Variants in GXYLT2 observed in about 807,000 individuals in gnomAD.
GXYLT2 encodes the protein glycosyltransferase 8 domain containing 4.
A neutral mutation model predicts 45.8 loss-of-function variants in GXYLT2; 53 were observed. The observed-to-expected ratio is 1.16, with a 90% CI of 0.93 to 1.46. The LOEUF is 1.46. Among genes scored for constraint, GXYLT2 ranks in the 40% most tolerant of loss-of-function variants. The pLI is 0.00. For synonymous variants in GXYLT2, 219 were observed against 214.2 expected (o/e 1.02, Z -0.19); for missense variants, 551 against 544.4 (o/e 1.01, Z -0.12).
At chr3:72,895,373 T>C (rs1308088324) in intron 1 of GXYLT2, among the ~76,000 whole-genome samples, 1 of 152,158 alleles carries the variant, frequency 6.6e-6, no homozygotes, top group East Asian at 1.9e-4. Flanking sequence ...TGAGTTCCCC[T>C]TTTTTTCTTA....
At position 72,931,020 on chromosome 3, in the gene GXYLT2, G is replaced by A. The variant is rs145334630; in HGVS notation, c.600+8685G>A. On this transcript the variant is annotated intron_variant, in intron 3 of 6. Coordinates refer to ENST00000389617, the MANE Select transcript of GXYLT2 (RefSeq NM_001080393.2). ...ACTCCACCCAACACCAGTAGAATAC[G>A]TTCTTGTGAGTGCACATGAAACTTT... Among the ~76,000 whole-genome samples the A allele has an allele frequency of 4.4e-3, 664 of 152,200 alleles. 12 individuals are homozygous for A. Among genetic ancestry groups the A allele is most frequent in the Non-Finnish European group, 3.6e-3 (244 of 68,016 alleles).
rs151182612 is a variant in GXYLT2, at chr3:72,899,675, G to A, written c.276-8692G>A. 3.1e-4 allele frequency among the ~76,000 whole-genome samples: 47 copies of A among 152,094 alleles called. 1 individual carries two copies. The East Asian group carries it at 8.9e-3, about 29-fold the overall frequency. ...GACATGGCTATAATTATCCATCGCCGGACTCTTCTTCTAGGGGCCATATCA... is the reference window on the plus strand; with the variant it reads ...GACATGGCTATAATTATCCATCGCCAGACTCTTCTTCTAGGGGCCATATCA... On this transcript the variant is annotated intron_variant, in intron 1 of 6. Coordinates refer to ENST00000389617, the MANE Select transcript of GXYLT2 (RefSeq NM_001080393.2).
intron 1 of GXYLT2, among the ~76,000 whole-genome samples, chr3:72,901,554 CTTTTT>C (rs71124002): frequency 2.6e-5 from 2 of 77,170 alleles, no homozygotes; most frequent in African/African-American, 1.2e-4. Context: ...AACATTTTCG[CTTTTT>C]TTTTTTTTTT....
At chr3:72,929,561 C>G in intron 3 of GXYLT2, 2 of 1,138,536 alleles carry the variant, frequency 1.8e-6, no homozygotes, top group Non-Finnish European at 2.6e-6. Flanking sequence ...ATCTCTTTGA[C>G]AAGCACACGC....
At chr3:72,911,156 G>A (rs1234278908) in intron 2 of GXYLT2, among the ~76,000 whole-genome samples, 2 of 152,182 alleles carry the variant, frequency 1.3e-5, no homozygotes, top group African/African-American at 4.8e-5. Flanking sequence ...GCTGGGTGTA[G>A]TGGAGTGCGC....
intron 6 of GXYLT2, among the ~76,000 whole-genome samples, chr3:72,969,364 G>A (rs1046573751): frequency 6.7e-6 from 1 of 148,686 alleles, no homozygotes; most frequent in African/African-American, 2.5e-5. Context: ...CTTCACTCCA[G>A]CTTGGGCAAC....
chr3:72,943,656 C>A (rs184350687), intron 3 of GXYLT2, among the ~76,000 whole-genome samples: 4 of 152,122 alleles, frequency 2.6e-5, no homozygotes, highest in Non-Finnish European at 4.4e-5. Context: ...GGATTACAGG[C>A]GTGATTACAG....
At chr3:72,962,623 C>T (rs879286394) in intron 5 of GXYLT2, among the ~76,000 whole-genome samples, 5 of 152,202 alleles carry the variant, frequency 3.3e-5, no homozygotes, top group Non-Finnish European at 7.3e-5. Context: ...GCACTATGTG[C>T]CAGCCACAGG....
At chr3:72,912,015 T>TATATATATATATA (rs1559731120) in intron 2 of GXYLT2, among the ~76,000 whole-genome samples, 3 of 116,122 alleles carry the variant, frequency 2.6e-5, no homozygotes, top group African/African-American at 1.1e-4. Context: ...ATATATATAT[T>TATATATATATATA]TTTTTTTTTT....
chr3:72,911,001 G>A (rs1709607496), intron 2 of GXYLT2, among the ~76,000 whole-genome samples: 1 of 152,116 alleles, frequency 6.6e-6, no homozygotes, highest in Non-Finnish European at 1.5e-5. Context: ...TTTAAAAGGG[G>A]AAGGGAAGGG....
intron 3 of GXYLT2, among the ~76,000 whole-genome samples, chr3:72,931,230 T>C (rs533529393): frequency 1.3e-5 from 2 of 149,596 alleles, no homozygotes; most frequent in East Asian, 4.2e-4. Context: ...TTTTATTTTA[T>C]TTTCTATTTT....
intron 2 of GXYLT2, among the ~76,000 whole-genome samples, chr3:72,913,909 AT>A (rs200603285): frequency 6.6e-6 from 1 of 151,678 alleles, no homozygotes; most frequent in Non-Finnish European, 1.5e-5. Flanking sequence ...CAGATAAAGA[AT>A]TTTTTTTTAA....
chr3:72,959,497 G>C (rs1462377125), intron 5 of GXYLT2, among the ~76,000 whole-genome samples: 2 of 152,124 alleles, frequency 1.3e-5, no homozygotes, highest in Non-Finnish European at 2.9e-5. Flanking sequence ...CTGGGCTCAA[G>C]CGATCTTCCG....
At chr3:72,949,513 T>C (rs1349235587) in intron 3 of GXYLT2, among the ~76,000 whole-genome samples, 1 of 122,802 alleles carries the variant, frequency 8.1e-6, no homozygotes, top group Non-Finnish European at 1.7e-5. Flanking sequence ...TTTTTTTTTT[T>C]TTTTTTTTTT....
intron 1 of GXYLT2, among the ~76,000 whole-genome samples, chr3:72,891,358 A>G (rs568239576): frequency 5.3e-5 from 8 of 152,280 alleles, no homozygotes; most frequent in Admixed American, 3.9e-4. Flanking sequence ...AAATTCTGCC[A>G]CGTCAACGCA....
intron 2 of GXYLT2, among the ~76,000 whole-genome samples, chr3:72,918,654 A>G (rs1484198131): frequency 6.6e-6 from 1 of 151,960 alleles, no homozygotes; most frequent in Non-Finnish European, 1.5e-5. Context: ...GCGAAACCCC[A>G]TCTCTACTGA....
chr3:72,939,177 A>G (rs1710248657), intron 3 of GXYLT2, among the ~76,000 whole-genome samples: 1 of 152,234 alleles, frequency 6.6e-6, no homozygotes, highest in African/African-American at 2.4e-5. Flanking sequence ...GTGGAACACT[A>G]CTTAAGAATG....
At chr3:72,924,419 C>T (rs1474962621) in intron 3 of GXYLT2, among the ~76,000 whole-genome samples, 1 of 151,888 alleles carries the variant, frequency 6.6e-6, no homozygotes, top group Admixed American at 6.6e-5. Flanking sequence ...TCACATACTC[C>T]TCACATACTC....
At position 72,929,036 on chromosome 3, in the gene GXYLT2, G is replaced by A. The variant is rs1162555706; in HGVS notation, c.600+6701G>A. Reference sequence around the variant, plus strand: ...CAGCCACCGCCGCCTCTCCTTAGCCGCCGCCGTGACGACCGCGTCCACCTC... The same window carrying A: ...CAGCCACCGCCGCCTCTCCTTAGCCACCGCCGTGACGACCGCGTCCACCTC... On this transcript the variant is annotated intron_variant, in intron 3 of 6. Transcript: ENST00000389617. The A allele has an allele frequency of 5.2e-6, 8 of 1,528,622 alleles. No homozygotes were observed. In the East Asian group the frequency reaches 9.0e-5, roughly 17 times the overall value. 94.7% of individuals were successfully genotyped at this position (1,528,622 alleles called of 1,614,324 possible).
Sources: allele counts gnomAD v4.1 joint callset (sites outside exome capture counted in the v4.1 genomes callset), GRCh38; gene constraint gnomAD v4.1.1; transcripts MANE v1.5; gene names NCBI Gene and HGNC (gene_info 2026-07-23, HGNC 2026-07-21).